Variants in EEIG2 observed in about 807,000 individuals in gnomAD.
EEIG2 encodes the protein family with sequence similarity 102 member B.
chr1:108,571,808 A>T, the EEIG2 span, among the ~76,000 whole-genome samples: 1 of 151,824 alleles, frequency 6.6e-6, no homozygotes, highest in African/African-American at 2.4e-5. Context: ...TTACTGTCTC[A>T]CACCCCTCTG....
chr1:108,596,745 GT>G, the EEIG2 span, among the ~76,000 whole-genome samples: 19 of 143,918 alleles, frequency 1.3e-4, no homozygotes, highest in African/African-American at 1.8e-4. Context: ...CTGTTTTTTT[GT>G]TTTTTTTTTT....
the EEIG2 span, chr1:108,616,488 T>C: frequency 2.6e-6 from 3 of 1,137,186 alleles, no homozygotes; most frequent in Non-Finnish European, 2.6e-6. Context: ...ATTTATTTGT[T>C]TAAATTTTTA....
At chr1:108,630,727 A>T in the EEIG2 span, among the ~76,000 whole-genome samples, 1 of 152,164 alleles carries the variant, frequency 6.6e-6, no homozygotes, top group South Asian at 2.1e-4. Context: ...TAGGAATTCT[A>T]ATCACTCACT....
chr1:108,628,233 G>A, the EEIG2 span: 2 of 1,614,028 alleles, frequency 1.2e-6, no homozygotes, highest in South Asian at 2.2e-5. Flanking sequence ...AGAACATCAA[G>A]CTATGCAAGT....
chr1:108,616,498 A>G, the EEIG2 span: 1 of 1,073,884 alleles, frequency 9.3e-7, no homozygotes, highest in Non-Finnish European at 1.4e-6. Flanking sequence ...TTAAATTTTT[A>G]CATTAATATT....
the EEIG2 span, among the ~76,000 whole-genome samples, chr1:108,588,024 C>T: frequency 6.6e-5 from 10 of 152,090 alleles, no homozygotes; most frequent in Non-Finnish European, 1.3e-4. Context: ...TATGTTGTCA[C>T]AAATGGCAGG....
At chr1:108,580,249 G>A in the EEIG2 span, among the ~76,000 whole-genome samples, 11 of 152,252 alleles carry the variant, frequency 7.2e-5, no homozygotes, top group Non-Finnish European at 1.2e-4. Context: ...AGAAGGTGGC[G>A]AACTTAGTAG....
At chr1:108,578,695 T>A in the EEIG2 span, among the ~76,000 whole-genome samples, 1 of 151,578 alleles carries the variant, frequency 6.6e-6, no homozygotes, top group Non-Finnish European at 1.5e-5. Flanking sequence ...GAGAGAAAGG[T>A]CGGGTTACCC....
the EEIG2 span, among the ~76,000 whole-genome samples, chr1:108,604,517 T>C: frequency 2.0e-5 from 3 of 152,166 alleles, no homozygotes; most frequent in East Asian, 5.8e-4. Flanking sequence ...TCTACAGAGA[T>C]TGAATGAAGG....
At chr1:108,594,199 T>C in the EEIG2 span, among the ~76,000 whole-genome samples, 10 of 152,238 alleles carry the variant, frequency 6.6e-5, no homozygotes, top group East Asian at 1.9e-3. Flanking sequence ...GGACAGAAGC[T>C]TGGTGGACAT....
the EEIG2 span, chr1:108,600,600 A>G: frequency 6.2e-7 from 1 of 1,611,772 alleles, no homozygotes; most frequent in Non-Finnish European, 8.5e-7. Flanking sequence ...TCGCTGGAGA[A>G]AGAAGTTCTC....
At chr1:108,608,881 C>T in the EEIG2 span, among the ~76,000 whole-genome samples, 2 of 152,362 alleles carry the variant, frequency 1.3e-5, no homozygotes, top group Middle Eastern at 6.8e-3. Context: ...GGCCTGCTTT[C>T]TGCTTTGCAG....
At chr1:108,561,195 C>T in the EEIG2 span, among the ~76,000 whole-genome samples, 1 of 152,204 alleles carries the variant, frequency 6.6e-6, no homozygotes, top group Non-Finnish European at 1.5e-5. Flanking sequence ...AGCCCAGGCC[C>T]TGCCCTCATT....
chr1:108,626,182 A>G, the EEIG2 span: 1 of 152,030 alleles, frequency 6.6e-6, no homozygotes, highest in Non-Finnish European at 1.5e-5. Context: ...CTTGAGCAAT[A>G]CCATCTATAC....
the EEIG2 span, among the ~76,000 whole-genome samples, chr1:108,590,523 AT>A: frequency 5.8e-3 from 880 of 152,322 alleles, 5 homozygotes; most frequent in African/African-American, 0.02. Flanking sequence ...GTAATAATTC[AT>A]TTGGTTTCCC....
At chr1:108,583,736 A>G in the EEIG2 span, among the ~76,000 whole-genome samples, 1 of 152,108 alleles carries the variant, frequency 6.6e-6, no homozygotes, top group Non-Finnish European at 1.5e-5. Flanking sequence ...AGGATTGCAG[A>G]ATAGTTAGGA....
chr1:108,580,828 T>G, the EEIG2 span, among the ~76,000 whole-genome samples: 2 of 152,154 alleles, frequency 1.3e-5, no homozygotes, highest in Non-Finnish European at 2.9e-5. Context: ...AAGTGCAAGG[T>G]GAAGCGGCAA....
chr1:108,621,895 G>A, the EEIG2 span, among the ~76,000 whole-genome samples: 15 of 151,962 alleles, frequency 9.9e-5, no homozygotes, highest in African/African-American at 3.4e-4. Flanking sequence ...GGTGGCTCAC[G>A]CCTGTAATCC....
the EEIG2 span, among the ~76,000 whole-genome samples, chr1:108,565,437 A>G: frequency 6.6e-6 from 1 of 152,234 alleles, no homozygotes; most frequent in Non-Finnish European, 1.5e-5. Context: ...TTTCAAAAGG[A>G]CAGTATTATT....
Sources: allele counts gnomAD v4.1 joint callset (sites outside exome capture counted in the v4.1 genomes callset), GRCh38; gene constraint gnomAD v4.1.1; transcripts MANE v1.5; gene names NCBI Gene and HGNC (gene_info 2026-07-23, HGNC 2026-07-21).